The following MEGF10 variants were observed in gnomAD, a reference collection of about 807,000 sequenced individuals.
MEGF10 encodes multiple epidermal growth factor-like domains protein 10.
Under a neutral mutation model 147.5 loss-of-function variants are expected in MEGF10, and 86 were observed. The observed-to-expected ratio is 0.58, with a 90% CI of 0.49 to 0.70. The LOEUF (loss-of-function observed/expected upper bound fraction) is 0.70, where lower values mean the gene tolerates loss of function less well. MEGF10 is among the 30% of genes least tolerant of loss of function. The probability of loss-of-function intolerance (pLI) is 0.00; values close to 1 mark genes in which losing one functional copy is unlikely to be tolerated. For missense variants in MEGF10, 1,329 were observed against 1,487.3 expected, an observed-to-expected ratio of 0.89 and a Z score of 1.75; for synonymous variants, 478 against 525.5, an observed-to-expected ratio of 0.91 and a Z score of 1.24.
chr5:127,386,793 G>A (rs931471756), intron 5 of MEGF10, among the ~76,000 whole-genome samples: 1 of 152,228 alleles, frequency 6.6e-6, no homozygotes, highest in African/African-American at 2.4e-5. Context: ...CACAGTTGGA[G>A]GATGTTTTTC....
rs1450822147 is a variant in MEGF10, at chr5:127,396,857, T to C, written c.659+79T>C. ...ATGCTGCTGCTGCCATCATATTTCT[T>C]GTGCCTCAGTTTGCATTGCTGCCTG... On this transcript the variant is annotated intron_variant, in intron 6 of 24. Transcript: ENST00000503335. The C allele has an allele frequency of 1.9e-6, 3 of 1,554,728 alleles. No homozygotes were observed. The African/African-American group carries it at 4.1e-5, about 21-fold the overall frequency.
chr5:127,350,201 T>C (rs1195779736), intron 4 of MEGF10, among the ~76,000 whole-genome samples: 1 of 152,154 alleles, frequency 6.6e-6, no homozygotes. Context: ...CTGGTGTAGC[T>C]CTTTCTCCAG....
chr5:127,360,456 C>T (rs1194660488), intron 4 of MEGF10, among the ~76,000 whole-genome samples: 1 of 151,876 alleles, frequency 6.6e-6, no homozygotes, highest in East Asian at 1.9e-4. Context: ...CCTTCCTAAT[C>T]TATATAAGCT....
At position 127,457,595 on chromosome 5, in the gene MEGF10, T is replaced by C. The variant is rs1766414443; in HGVS notation, c.*277T>C. On this transcript the variant is annotated 3_prime_UTR_variant, in exon 25 of 25. Coordinates refer to ENST00000503335, the MANE Select transcript of MEGF10 (RefSeq NM_001256545.2). Reference sequence around the variant, plus strand: ...TATTGTAAGATGTTGGCTGAAAGCATGAACTTGCAGAACTCCCTCGGAGAC... The same window carrying C: ...TATTGTAAGATGTTGGCTGAAAGCACGAACTTGCAGAACTCCCTCGGAGAC... The C allele has an allele frequency of 2.6e-6, 1 of 389,652 alleles. No individual in the cohort carries two copies. Among genetic ancestry groups the C allele is most frequent in the South Asian group, 4.5e-5 (1 of 22,044 alleles). The allele number at this position is 389,652 out of a possible 1,614,324, so 24.1% of individuals were successfully genotyped here.
chr5:127,393,955 C>T (rs1763807033), intron 5 of MEGF10, among the ~76,000 whole-genome samples: 1 of 151,918 alleles, frequency 6.6e-6, no homozygotes, highest in Non-Finnish European at 1.5e-5. Flanking sequence ...CCCCTCAGTT[C>T]CTCTACTTCT....
At chr5:127,359,451 AC>A (rs1261294420) in intron 4 of MEGF10, among the ~76,000 whole-genome samples, 1 of 152,028 alleles carries the variant, frequency 6.6e-6, no homozygotes, top group Non-Finnish European at 1.5e-5. Context: ...TATGTACACA[AC>A]CCTTAAACCC....
chr5:127,371,190 ACTGTGTGTGTGTGT>A (rs1416796533), intron 5 of MEGF10, among the ~76,000 whole-genome samples: 3 of 93,644 alleles, frequency 3.2e-5, no homozygotes, highest in Admixed American at 3.1e-4. Context: ...AGGGACTGGG[ACTGTGTGTGTGTGT>A]GTGTGTGTGT....
In MEGF10 at chr5:127,380,729, G is replaced by A. The variant is rs1352337592; in HGVS notation, c.412+10727G>A. Among the ~76,000 whole-genome samples the A allele has an allele frequency of 3.3e-5, 5 of 152,104 alleles. No homozygotes were observed. The South Asian group carries it at 8.3e-4, about 25-fold the overall frequency. On this transcript the variant is annotated intron_variant, in intron 5 of 24. Coordinates refer to ENST00000503335, the MANE Select transcript of MEGF10 (RefSeq NM_001256545.2). ...AGGCATGGTTTCACCATGTTGGCCA[G>A]TCTGGTCTCGAACTCCTGACCTCAT...
At chr5:127,454,477 G>C (rs1766277730) in intron 22 of MEGF10, 89 bp from the exon 23 acceptor site, 1 of 1,164,996 alleles carries the variant, frequency 8.6e-7, no homozygotes, top group Admixed American at 2.3e-5. Flanking sequence ...GCTGCAGTGG[G>C]AGATCCTCTT....
chr5:127,297,685 T>G (rs1486926200), intron 1 of MEGF10, among the ~76,000 whole-genome samples: 1 of 152,202 alleles, frequency 6.6e-6, no homozygotes, highest in African/African-American at 2.4e-5. Context: ...AGTTTACATT[T>G]GAGAATAATT....
intron 5 of MEGF10, among the ~76,000 whole-genome samples, chr5:127,391,726 C>T (rs1153432): frequency 0.75 from 114,068 of 151,996 alleles, 43,315 homozygotes; most frequent in Middle Eastern, 0.86. Flanking sequence ...TAATCATCAT[C>T]GTCAAACAGA....
At chr5:127,379,505 A>T (rs1278879633) in intron 5 of MEGF10, among the ~76,000 whole-genome samples, 2 of 151,946 alleles carry the variant, frequency 1.3e-5, no homozygotes, top group Admixed American at 1.3e-4. Flanking sequence ...TCATTTATGG[A>T]ACACACTCGT....
At chr5:127,236,533 T>C in the MEGF10 span, among the ~76,000 whole-genome samples, 1 of 152,236 alleles carries the variant, frequency 6.6e-6, no homozygotes, top group Non-Finnish European at 1.5e-5. Flanking sequence ...TTCATCTCTC[T>C]AGACTCATCT....
In MEGF10 at chr5:127,396,835, C is replaced by T. The variant is rs532329096; in HGVS notation, c.659+57C>T. On this transcript the variant is annotated intron_variant, in intron 6 of 24. Coordinates refer to ENST00000503335, the MANE Select transcript of MEGF10 (RefSeq NM_001256545.2). Reference sequence around the variant, plus strand: ...AGCCCACCCACCCTCTCCATTCATGCTGCTGCTGCCATCATATTTCTTGTG... The same window carrying T: ...AGCCCACCCACCCTCTCCATTCATGTTGCTGCTGCCATCATATTTCTTGTG... 61 of 1,570,492 alleles carry T rather than the reference C, an allele frequency of 3.9e-5. No homozygotes were observed. The East Asian group carries it at 1.2e-3, about 32-fold the overall frequency.
At chr5:127,348,968 C>T (rs1286863288) in intron 4 of MEGF10, among the ~76,000 whole-genome samples, 7 of 152,008 alleles carry the variant, frequency 4.6e-5, no homozygotes, top group Admixed American at 6.6e-5. Context: ...CGGTGGCTCA[C>T]GCCTGTAATT....
intron 2 of MEGF10, among the ~76,000 whole-genome samples, chr5:127,333,578 G>A (rs994326908): frequency 6.6e-6 from 1 of 151,908 alleles, no homozygotes; most frequent in Non-Finnish European, 1.5e-5. Flanking sequence ...CAAATAATCC[G>A]GCACCCACTT....
intron 16 of MEGF10, among the ~76,000 whole-genome samples, chr5:127,437,047 G>C (rs1561646462): frequency 6.6e-6 from 1 of 152,170 alleles, no homozygotes; most frequent in Non-Finnish European, 1.5e-5. Flanking sequence ...CAAATATAGG[G>C]AGAAAAACCT....
intron 20 of MEGF10, among the ~76,000 whole-genome samples, 189 bp from the exon 21 acceptor site, chr5:127,447,368 G>A (rs1765976619): frequency 6.6e-6 from 1 of 152,042 alleles, no homozygotes; most frequent in Admixed American, 6.6e-5. Context: ...TAGTAGAGAT[G>A]GGGTTTTACT....
chr5:127,284,789 A>G, the MEGF10 span, among the ~76,000 whole-genome samples: 1 of 152,172 alleles, frequency 6.6e-6, no homozygotes. Context: ...ACTCTAGTCT[A>G]TTGCTGTAAC....
Sources: allele counts gnomAD v4.1 joint callset (sites outside exome capture counted in the v4.1 genomes callset), GRCh38; gene constraint gnomAD v4.1.1; transcripts MANE v1.5; gene names NCBI Gene and HGNC (gene_info 2026-07-23, HGNC 2026-07-21).